Variants in NRG3 observed in about 807,000 individuals in gnomAD.
The protein encoded by NRG3 is pro-neuregulin-3, membrane-bound isoform.
In NRG3, 31 loss-of-function variants were observed where a neutral mutation model predicts 66.9. That is an observed-to-expected ratio of 0.46 (90% confidence interval 0.35 to 0.63). The LOEUF is 0.63. NRG3 is among the 20% of genes least tolerant of loss of function. The pLI is 0.00. For synonymous variants in NRG3, 393 were observed against 359.4 expected, an observed-to-expected ratio of 1.09 and a Z score of -1.06; for missense variants, 910 against 878.9, an observed-to-expected ratio of 1.04 and a Z score of -0.45.
At chr10:81,877,935 G>T (rs967970898) in intron 1 of NRG3, 4 of 1,537,278 alleles carry the variant, frequency 2.6e-6, no homozygotes, top group African/African-American at 2.7e-5. Flanking sequence ...TTTTTGATCT[G>T]CTCTTTTGAT....
intron 2 of NRG3, among the ~76,000 whole-genome samples, chr10:82,504,689 A>T (rs1844509464): frequency 6.6e-6 from 1 of 152,222 alleles, no homozygotes; most frequent in Non-Finnish European, 1.5e-5. Flanking sequence ...AAGTAAGCCC[A>T]AATACAAAGT....
At chr10:82,335,370 C>T (rs1358098870) in intron 1 of NRG3, among the ~76,000 whole-genome samples, 1 of 152,120 alleles carries the variant, frequency 6.6e-6, no homozygotes, top group Admixed American at 6.5e-5. Context: ...AACCTAGGAA[C>T]CCTTTCCTAC....
chr10:81,924,821 T>C (rs1432794288), intron 1 of NRG3, among the ~76,000 whole-genome samples: 1 of 152,176 alleles, frequency 6.6e-6, no homozygotes, highest in Non-Finnish European at 1.5e-5. Context: ...ACAGTTACTG[T>C]TGTTTAATTG....
intron 2 of NRG3, among the ~76,000 whole-genome samples, chr10:82,464,068 G>C (rs2091646626): frequency 6.6e-6 from 1 of 152,090 alleles, no homozygotes. Flanking sequence ...ACTTACCCAA[G>C]TCTTATGAAT....
intron 3 of NRG3, among the ~76,000 whole-genome samples, chr10:82,832,804 TTGTGTGTGTGTGTGTG>T (rs139438548): frequency 6.8e-6 from 1 of 147,924 alleles, no homozygotes; most frequent in Admixed American, 6.8e-5. Context: ...ATGCATGTAA[TTGTGTGTGTGTGTGTG>T]TGTGTGTGTG....
At chr10:82,747,583 A>G (rs1236600764) in intron 3 of NRG3, among the ~76,000 whole-genome samples, 1 of 152,078 alleles carries the variant, frequency 6.6e-6, no homozygotes, top group Non-Finnish European at 1.5e-5. Flanking sequence ...ATTGCCAGCA[A>G]TATTGAATCC....
chr10:82,488,976 A>G (rs565140736), intron 2 of NRG3, among the ~76,000 whole-genome samples: 1 of 152,288 alleles, frequency 6.6e-6, no homozygotes, highest in African/African-American at 2.4e-5. Context: ...TAATATATAT[A>G]TAGGCCTAAT....
intron 1 of NRG3, among the ~76,000 whole-genome samples, chr10:81,990,250 A>AT (rs2060689066): frequency 6.6e-6 from 1 of 152,146 alleles, no homozygotes; most frequent in Non-Finnish European, 1.5e-5. Flanking sequence ...AGTCATGCAT[A>AT]TGCTAGTAAG....
At chr10:82,641,003 G>A (rs2050535447) in intron 2 of NRG3, among the ~76,000 whole-genome samples, 1 of 128,382 alleles carries the variant, frequency 7.8e-6, no homozygotes, top group Admixed American at 8.2e-5. Context: ...AAATTTTTCA[G>A]TCTGTCGTTT....
chr10:82,163,571 A>G (rs1282496431), intron 1 of NRG3, among the ~76,000 whole-genome samples: 1 of 152,186 alleles, frequency 6.6e-6, no homozygotes, highest in Non-Finnish European at 1.5e-5. Flanking sequence ...GAAGCTATAA[A>G]TGATGGGAAA....
At chr10:82,378,187 C>A (rs539960340) in intron 2 of NRG3, among the ~76,000 whole-genome samples, 2 of 152,216 alleles carry the variant, frequency 1.3e-5, no homozygotes, top group African/African-American at 4.8e-5. Flanking sequence ...AAATGTTAAA[C>A]CTCCTCCACA....
chr10:82,280,243 A>G (rs2079059237), intron 1 of NRG3, among the ~76,000 whole-genome samples: 1 of 152,204 alleles, frequency 6.6e-6, no homozygotes, highest in Non-Finnish European at 1.5e-5. Flanking sequence ...TAACACTAAC[A>G]TTATAGAGTG....
chr10:82,119,405 G>T (rs1187662651), intron 1 of NRG3, among the ~76,000 whole-genome samples: 3 of 152,066 alleles, frequency 2.0e-5, no homozygotes, highest in African/African-American at 7.2e-5. Flanking sequence ...ATGATGGAAG[G>T]TTTTATCTGC....
chr10:82,557,947 A>C (rs962740994), intron 2 of NRG3, among the ~76,000 whole-genome samples: 1 of 152,082 alleles, frequency 6.6e-6, no homozygotes, highest in African/African-American at 2.4e-5. Flanking sequence ...GAGACACAAC[A>C]CTCGCTACAT....
At chr10:82,918,395 G>T (rs563148560) in intron 4 of NRG3, among the ~76,000 whole-genome samples, 1 of 152,112 alleles carries the variant, frequency 6.6e-6, no homozygotes, top group East Asian at 1.9e-4. Flanking sequence ...CTGGTAAAAT[G>T]GGCAACAAAT....
Position 82,194,125 on chromosome 10 carries a change from C to T in NRG3, c.824-164614C>T, listed in dbSNP as rs1345395463. Among the ~76,000 whole-genome samples the T allele has an allele frequency of 2.0e-5, 3 of 152,094 alleles. No homozygotes were observed. In the East Asian group the frequency reaches 5.8e-4, roughly 29 times the overall value. ...TACTGAGAGTAAGAAGAAAGCAAAG[C>T]TGTGGTCTTTCCATTTGGTAATGTG... On this transcript the variant is annotated intron_variant, in intron 1 of 8. Coordinates refer to ENST00000372141, the MANE Select transcript of NRG3 (RefSeq NM_001010848.4).
intron 4 of NRG3, among the ~76,000 whole-genome samples, chr10:82,871,749 C>G (rs1157819203): frequency 6.6e-6 from 1 of 151,964 alleles, no homozygotes; most frequent in Non-Finnish European, 1.5e-5. Context: ...AAATTATTGA[C>G]TTTACATGTT....
chr10:82,078,065 GTTTC>G (rs1277875297), intron 1 of NRG3, among the ~76,000 whole-genome samples: 3 of 151,648 alleles, frequency 2.0e-5, no homozygotes, highest in Non-Finnish European at 2.9e-5. Context: ...TCCATACACT[GTTTC>G]TTTCTCTCTG....
chr10:82,295,644 C>T (rs1248561501), intron 1 of NRG3, among the ~76,000 whole-genome samples: 3 of 152,120 alleles, frequency 2.0e-5, no homozygotes, highest in Admixed American at 6.6e-5. Flanking sequence ...CCTGTGAAAC[C>T]TTTCAGCCCT....
Sources: allele counts gnomAD v4.1 joint callset (sites outside exome capture counted in the v4.1 genomes callset), GRCh38; gene constraint gnomAD v4.1.1; transcripts MANE v1.5; gene names NCBI Gene and HGNC (gene_info 2026-07-23, HGNC 2026-07-21).